PLCXD3: variants seen among roughly 807,000 people sequenced by gnomAD.
The protein encoded by PLCXD3 is phosphatidylinositol specific phospholipase C X domain containing 3, also known as PI-PLC X domain-containing protein 3.
PLCXD3 carries 19 observed loss-of-function variants against 25.5 expected under a neutral mutation model. The observed-to-expected ratio is 0.75, with a 90% CI of 0.52 to 1.09. PLCXD3 has a LOEUF of 1.09. PLCXD3 is among the 50% of genes least tolerant of loss of function. PLCXD3 has a pLI of 0.00. For missense variants in PLCXD3, 411 were observed against 388.1 expected, an observed-to-expected ratio of 1.06 and a Z score of -0.50; for synonymous variants, 174 against 137.6, an observed-to-expected ratio of 1.26 and a Z score of -1.85.
At chr5:41,346,179 C>G (rs1303352837) in intron 2 of PLCXD3, among the ~76,000 whole-genome samples, 1 of 152,186 alleles carries the variant, frequency 6.6e-6, no homozygotes, top group Non-Finnish European at 1.5e-5. Flanking sequence ...CCATGCCCAG[C>G]CTAGAGCAGT....
At chr5:41,410,786 A>C (rs1391044798) in intron 1 of PLCXD3, among the ~76,000 whole-genome samples, 1 of 152,246 alleles carries the variant, frequency 6.6e-6, no homozygotes, top group Non-Finnish European at 1.5e-5. Flanking sequence ...GTGCAGCATA[A>C]GAAAAGAAAG....
chr5:41,371,810 G>A (rs1317844934), intron 2 of PLCXD3, among the ~76,000 whole-genome samples: 2 of 152,192 alleles, frequency 1.3e-5, no homozygotes, highest in Non-Finnish European at 2.9e-5. Context: ...TGCCTGCATA[G>A]AGCAGAAGGG....
chr5:41,495,048 T>C (rs1748804433), intron 1 of PLCXD3, among the ~76,000 whole-genome samples: 1 of 152,242 alleles, frequency 6.6e-6, no homozygotes, highest in South Asian at 2.1e-4. Context: ...ATTTCCTCTA[T>C]GATAAATCCT....
chr5:41,348,763 G>A (rs1354352618), intron 2 of PLCXD3, among the ~76,000 whole-genome samples: 1 of 152,100 alleles, frequency 6.6e-6, no homozygotes, highest in East Asian at 1.9e-4. Context: ...CAGAGGCACT[G>A]GGGAAGAGCA....
chr5:41,484,680 T>C (rs1232412281), intron 1 of PLCXD3, among the ~76,000 whole-genome samples: 2 of 152,188 alleles, frequency 1.3e-5, no homozygotes, highest in Non-Finnish European at 2.9e-5. Flanking sequence ...TCCCAACCTG[T>C]GTATAGGTAA....
intron 1 of PLCXD3, among the ~76,000 whole-genome samples, chr5:41,425,827 A>G (rs568944417): frequency 8.8e-4 from 134 of 152,310 alleles, no homozygotes; most frequent in Non-Finnish European, 1.5e-5. Flanking sequence ...TCATTTTAGC[A>G]CTGAATAATA....
intron 1 of PLCXD3, among the ~76,000 whole-genome samples, chr5:41,430,355 T>TAG (rs1747067357): frequency 6.6e-6 from 1 of 152,186 alleles, no homozygotes; most frequent in South Asian, 2.1e-4. Flanking sequence ...CTGATAGGGT[T>TAG]AGATTATAAA....
chr5:41,372,113 G>A (rs926123215), intron 2 of PLCXD3, among the ~76,000 whole-genome samples: 3 of 151,760 alleles, frequency 2.0e-5, no homozygotes, highest in African/African-American at 7.3e-5. Context: ...TTTTTTGTGA[G>A]TGCTAGCTAT....
At chr5:41,414,556 T>G (rs1364435104) in intron 1 of PLCXD3, among the ~76,000 whole-genome samples, 2 of 152,216 alleles carry the variant, frequency 1.3e-5, no homozygotes, top group East Asian at 3.8e-4. Context: ...TATATTTGTG[T>G]GTCTCTAATA....
rs1207904274 is a variant in PLCXD3, at chr5:41,331,125, G to A, written c.813-17355C>T. 3.3e-5 allele frequency among the ~76,000 whole-genome samples: 5 copies of A among 152,246 alleles called. No individual in the cohort carries two copies. The East Asian group carries it at 9.7e-4, about 29-fold the overall frequency. On this transcript the variant is annotated intron_variant, in intron 2 of 2. Coordinates refer to ENST00000377801, the MANE Select transcript of PLCXD3 (RefSeq NM_001005473.3). ...ATTAGGCAGGAGAAGGAAATCAAGG[G>A]TATTCGATTAGGAAAAGAGGAAGCC...
chr5:41,348,628 T>C (rs1245553545), intron 2 of PLCXD3, among the ~76,000 whole-genome samples: 2 of 152,022 alleles, frequency 1.3e-5, no homozygotes, highest in Non-Finnish European at 2.9e-5. Context: ...ATACAGAAAA[T>C]TACTGAGTTT....
intron 1 of PLCXD3, among the ~76,000 whole-genome samples, chr5:41,483,643 T>C (rs1748459660): frequency 6.6e-6 from 1 of 152,148 alleles, no homozygotes; most frequent in South Asian, 2.1e-4. Context: ...GTGATGGCTG[T>C]ACAACAATGT....
rs570190730 is a variant in PLCXD3, at chr5:41,497,411, C to T, written c.103+13013G>A. On this transcript the variant is annotated intron_variant, in intron 1 of 2. Coordinates refer to ENST00000377801, the MANE Select transcript of PLCXD3 (RefSeq NM_001005473.3). Reference sequence around the variant, plus strand: ...ATATCAGACAAAATAGATTTTAAGTCAAATATTGCTGCAAGAGACAAAGAA... The same window carrying T: ...ATATCAGACAAAATAGATTTTAAGTTAAATATTGCTGCAAGAGACAAAGAA... Among the ~76,000 whole-genome samples the T allele has an allele frequency of 4.2e-4, 63 of 151,680 alleles. 1 individual carries two copies. Among genetic ancestry groups the T allele is most frequent in the Admixed American group, 3.3e-3 (51 of 15,240 alleles).
chr5:41,412,917 T>C (rs1377260502), intron 1 of PLCXD3, among the ~76,000 whole-genome samples: 3 of 152,220 alleles, frequency 2.0e-5, no homozygotes, highest in Non-Finnish European at 2.9e-5. Flanking sequence ...GTAGGAATTG[T>C]TTAGACTGGA....
intron 1 of PLCXD3, among the ~76,000 whole-genome samples, chr5:41,402,732 C>A (rs1025349077): frequency 4.0e-5 from 6 of 151,872 alleles, no homozygotes; most frequent in Non-Finnish European, 8.8e-5. Flanking sequence ...TTTTGAAGCT[C>A]TCTTATTGTT....
chr5:41,479,310 T>C (rs144259638), intron 1 of PLCXD3, among the ~76,000 whole-genome samples: 14 of 152,242 alleles, frequency 9.2e-5, no homozygotes, highest in Admixed American at 7.2e-4. Flanking sequence ...AGTAGAGTGA[T>C]GGTTGCCAGG....
intron 2 of PLCXD3, among the ~76,000 whole-genome samples, chr5:41,330,299 C>G (rs1743757350): frequency 6.6e-6 from 1 of 152,150 alleles, no homozygotes; most frequent in Non-Finnish European, 1.5e-5. Flanking sequence ...AAACTACCAT[C>G]AGAGAACACT....
intron 1 of PLCXD3, among the ~76,000 whole-genome samples, chr5:41,421,136 A>G (rs1312823801): frequency 6.6e-6 from 1 of 152,206 alleles, no homozygotes; most frequent in Non-Finnish European, 1.5e-5. Flanking sequence ...ATAAAATGTT[A>G]GGCATATTTT....
intron 1 of PLCXD3, among the ~76,000 whole-genome samples, chr5:41,425,323 CT>C (rs1746930457): frequency 1.3e-5 from 2 of 151,380 alleles, no homozygotes; most frequent in Admixed American, 1.3e-4. Flanking sequence ...CTGGAATAGA[CT>C]TTCAGAACAG....
Sources: gnomAD v4.1 joint callset for allele counts (sites outside exome capture counted in the v4.1 genomes callset) on GRCh38, gnomAD v4.1.1 for gene constraint, MANE v1.5 for transcripts, NCBI Gene and HGNC (gene_info 2026-07-23, HGNC 2026-07-21) for gene names.